LRP1B: variants seen among roughly 807,000 people sequenced by gnomAD.
The protein encoded by LRP1B is LDL receptor related protein 1B.
LRP1B carries 217 observed loss-of-function variants against 556.6 expected under a neutral mutation model. That is an observed-to-expected ratio of 0.39 (90% CI 0.35 to 0.44). LRP1B has a LOEUF of 0.44. Among genes scored for constraint, LRP1B ranks in the 20% least tolerant of loss-of-function variants. The pLI is 1.00. For missense variants in LRP1B, 5,053 were observed against 5,620.8 expected, an observed-to-expected ratio of 0.90 and a Z score of 3.23; for synonymous variants, 2,047 against 1,865.8, an observed-to-expected ratio of 1.10 and a Z score of -2.50.
rs374668842 is a variant in LRP1B, at chr2:142,128,557, C to T, written c.82+2091G>A. ...AACAAGATTTCTCTCTTTAAAATTCCTTTTTCCAAATGGGGCCCATCCTTT... is the reference window on the plus strand; with the variant it reads ...AACAAGATTTCTCTCTTTAAAATTCTTTTTTCCAAATGGGGCCCATCCTTT... On this transcript the variant is annotated intron_variant, in intron 1 of 90. Coordinates refer to ENST00000389484, the MANE Select transcript of LRP1B (RefSeq NM_018557.3). 6.6e-5 allele frequency among the ~76,000 whole-genome samples: 10 copies of T among 152,170 alleles called. No homozygotes were observed. In the East Asian group the frequency reaches 1.5e-3, roughly 23 times the overall value.
At chr2:140,667,443 A>G (rs958233847) in intron 41 of LRP1B, among the ~76,000 whole-genome samples, 2 of 152,202 alleles carry the variant, frequency 1.3e-5, no homozygotes, top group African/African-American at 4.8e-5. Flanking sequence ...TCCAAGCTAG[A>G]ATGACTGCTA....
intron 68 of LRP1B, among the ~76,000 whole-genome samples, chr2:140,377,049 G>A (rs1683264222): frequency 6.6e-6 from 1 of 152,064 alleles, no homozygotes; most frequent in Admixed American, 6.6e-5. Context: ...TGCAATACAG[G>A]AGCCATGGTA....
intron 1 of LRP1B, among the ~76,000 whole-genome samples, chr2:142,093,000 C>T (rs1388553672): frequency 6.6e-6 from 1 of 152,036 alleles, no homozygotes; most frequent in African/African-American, 2.4e-5. Flanking sequence ...TACATAGACC[C>T]TGCGTGATCT....
intron 6 of LRP1B, among the ~76,000 whole-genome samples, chr2:141,207,298 G>C (rs948561856): frequency 6.6e-6 from 1 of 152,108 alleles, no homozygotes; most frequent in African/African-American, 2.4e-5. Flanking sequence ...ATTCTATAAA[G>C]ATAAATTACA....
intron 2 of LRP1B, among the ~76,000 whole-genome samples, chr2:141,727,031 C>A (rs1266880521): frequency 1.3e-5 from 2 of 151,826 alleles, no homozygotes; most frequent in East Asian, 3.9e-4. Context: ...ATTTGAAAAT[C>A]CTTATAACTG....
chr2:141,237,250 G>T (rs1180677145), intron 5 of LRP1B, among the ~76,000 whole-genome samples: 1 of 151,808 alleles, frequency 6.6e-6, no homozygotes, highest in Non-Finnish European at 1.5e-5. Flanking sequence ...AGTAAGAGAA[G>T]AAAGTAGAAT....
At chr2:141,699,433 GAACCCAATGACT>G (rs1691854945) in intron 2 of LRP1B, among the ~76,000 whole-genome samples, 1 of 151,820 alleles carries the variant, frequency 6.6e-6, no homozygotes, top group Non-Finnish European at 1.5e-5. Flanking sequence ...TGTTGATAGT[GAACCCAATGACT>G]AATCACTCCA....
chr2:140,446,175 C>T (rs1397511398), intron 63 of LRP1B, among the ~76,000 whole-genome samples: 3 of 152,060 alleles, frequency 2.0e-5, no homozygotes, highest in African/African-American at 7.2e-5. Context: ...TGCCTTTCCT[C>T]TATTTCATTT....
chr2:140,687,525 GA>G (rs908910525), intron 41 of LRP1B, among the ~76,000 whole-genome samples: 1 of 151,278 alleles, frequency 6.6e-6, no homozygotes, highest in Non-Finnish European at 1.5e-5. Flanking sequence ...ACTCAACTAA[GA>G]AAAAAATCTG....
chr2:140,251,019 G>A (rs1681389741), intron 86 of LRP1B, among the ~76,000 whole-genome samples: 1 of 151,700 alleles, frequency 6.6e-6, no homozygotes, highest in Non-Finnish European at 1.5e-5. Context: ...TCATCTGAAT[G>A]TTACTGCATG....
chr2:140,438,790 T>C (rs1372271779), intron 66 of LRP1B, among the ~76,000 whole-genome samples: 2 of 152,132 alleles, frequency 1.3e-5, no homozygotes, highest in African/African-American at 2.4e-5. Flanking sequence ...AGAATCTTTT[T>C]GATAACTCAG....
chr2:140,760,500 C>A (rs1222992565), intron 35 of LRP1B, among the ~76,000 whole-genome samples: 1 of 152,196 alleles, frequency 6.6e-6, no homozygotes, highest in Non-Finnish European at 1.5e-5. Flanking sequence ...TGCTCCCTAG[C>A]TTGGCCTTCT....
At chr2:140,935,026 T>A (rs1224078632) in intron 20 of LRP1B, among the ~76,000 whole-genome samples, 1 of 152,190 alleles carries the variant, frequency 6.6e-6, no homozygotes, top group East Asian at 1.9e-4. Context: ...AGAGATAACC[T>A]ACAGCAATTT....
chr2:140,532,293 GACT>G (rs1411496930), intron 47 of LRP1B, among the ~76,000 whole-genome samples: 1 of 152,052 alleles, frequency 6.6e-6, no homozygotes, highest in Non-Finnish European at 1.5e-5. Context: ...ACTTTCTAGT[GACT>G]ACAAGAAAAA....
intron 66 of LRP1B, among the ~76,000 whole-genome samples, chr2:140,412,329 AG>A (rs1432345909): frequency 5.3e-5 from 8 of 152,148 alleles, no homozygotes; most frequent in Non-Finnish European, 1.0e-4. Context: ...GGCTTTGTAC[AG>A]AACCATTTGG....
intron 1 of LRP1B, among the ~76,000 whole-genome samples, chr2:141,984,569 GT>G: frequency 6.6e-6 from 1 of 152,020 alleles, no homozygotes; most frequent in East Asian, 1.9e-4. Context: ...TCTTTCCTGT[GT>G]CCCTATTAGA....
intron 66 of LRP1B, among the ~76,000 whole-genome samples, chr2:140,427,122 C>T (rs374759459): frequency 2.1e-4 from 32 of 152,274 alleles, no homozygotes; most frequent in African/African-American, 6.7e-4. Context: ...AAAACTCCGG[C>T]GCCGGTCACG....
At chr2:141,663,645 T>C (rs1205743848) in intron 2 of LRP1B, among the ~76,000 whole-genome samples, 1 of 151,970 alleles carries the variant, frequency 6.6e-6, no homozygotes, top group African/African-American at 2.4e-5. Flanking sequence ...CAGGAAGAAG[T>C]TGAATCCCTG....
At chr2:140,450,492 GTGTAGA>G in intron 63 of LRP1B, 70 bp downstream of exon 63, 1 of 1,060,394 alleles carries the variant, frequency 9.4e-7, no homozygotes, top group Admixed American at 2.0e-5. Context: ...AATACTTTAG[GTGTAGA>G]TTCAATTTTC....
Sources: gnomAD v4.1 joint callset for allele counts (sites outside exome capture counted in the v4.1 genomes callset) on GRCh38, gnomAD v4.1.1 for gene constraint, MANE v1.5 for transcripts, NCBI Gene and HGNC (gene_info 2026-07-23, HGNC 2026-07-21) for gene names.